The following HCFC2 variants were observed in gnomAD, a reference collection of about 807,000 sequenced individuals.
HCFC2 encodes the protein host cell factor C2, also known as host cell factor 2.
A neutral mutation model predicts 89.2 loss-of-function variants in HCFC2; 18 were observed. That is an observed-to-expected ratio of 0.20 (90% confidence interval 0.14 to 0.30). The LOEUF is 0.30. Among genes scored for constraint, HCFC2 ranks in the 10% least tolerant of loss-of-function variants. The pLI, the probability that HCFC2 is intolerant of heterozygous loss-of-function variation, is 1.00. For synonymous variants in HCFC2, 308 were observed against 335.7 expected (o/e 0.92, Z 0.90); for missense variants, 578 against 956.1 (o/e 0.60, Z 5.21).
chr12:104,098,150 T>A (rs1884229821), intron 12 of HCFC2, 193 bp from the exon 13 acceptor site: 1 of 458,792 alleles, frequency 2.2e-6, no homozygotes, highest in East Asian at 3.4e-5. Context: ...CTGTCACTCC[T>A]GTGTTTGAAT....
intron 9 of HCFC2, among the ~76,000 whole-genome samples, chr12:104,089,297 G>T (rs569075402): frequency 1.3e-5 from 2 of 152,204 alleles, no homozygotes; most frequent in African/African-American, 4.8e-5. Context: ...CAGATCACGA[G>T]GTCAGAAGAT....
intron 12 of HCFC2, among the ~76,000 whole-genome samples, chr12:104,097,065 A>T (rs1884198495): frequency 6.6e-6 from 1 of 152,164 alleles, no homozygotes; most frequent in Non-Finnish European, 1.5e-5. Context: ...TGCCTTACAA[A>T]TATACCAAGA....
chr12:104,073,384 C>G (rs946256758), intron 3 of HCFC2, among the ~76,000 whole-genome samples: 3 of 151,650 alleles, frequency 2.0e-5, no homozygotes, highest in East Asian at 1.9e-4. Context: ...AGGCTGGTCT[C>G]GAACTCCTGA....
intron 2 of HCFC2, among the ~76,000 whole-genome samples, chr12:104,067,088 C>T (rs549535702): frequency 5.9e-5 from 9 of 152,222 alleles, no homozygotes; most frequent in Non-Finnish European, 1.2e-4. Context: ...CGTGCTGTGC[C>T]GCAAATTCTT....
At position 104,068,813 on chromosome 12, in the gene HCFC2, A is replaced by T. The variant is rs1268141817; in HGVS notation, c.473+706A>T. Among the ~76,000 whole-genome samples the T allele has an allele frequency of 6.6e-6, 1 of 152,126 alleles. No individual in the cohort carries two copies. The highest frequency in any genetic ancestry group is 2.4e-5 in the African/African-American group (1 of 41,430). ...ATAGCTAATGTTGGTTTTGTCTGCA[A>T]AGAATTCCTCTTTCCTTTGGGGAAC... is the stretch of plus-strand genomic sequence containing the variant. On this transcript the variant is annotated intron_variant, in intron 3 of 14. Transcript: ENST00000229330. The surrounding 1 kb of genome is among the most constrained non-coding windows in gnomAD (Gnocchi z 4.1).
chr12:104,073,778 C>T (rs1314312152), intron 3 of HCFC2, among the ~76,000 whole-genome samples: 2 of 152,148 alleles, frequency 1.3e-5, no homozygotes, highest in Non-Finnish European at 2.9e-5. Flanking sequence ...TCTGTCATAT[C>T]TTAATTCTTG....
In HCFC2 at chr12:104,103,540, A is replaced by G; in HGVS notation, c.*267A>G. The G allele has an allele frequency of 1.0e-5, 4 of 390,670 alleles. No individual in the cohort carries two copies. Among genetic ancestry groups the G allele is most frequent in the Non-Finnish European group, 1.8e-5 (4 of 216,566 alleles). The allele number at this position is 390,670 out of a possible 1,614,324, so 24.2% of individuals were successfully genotyped here. Reference sequence around the variant, plus strand: ...ACAGTGAAATTAAGATAAAAGCTAGAAAGCTTTATTACCCCAATATCTTTT... The same window carrying G: ...ACAGTGAAATTAAGATAAAAGCTAGGAAGCTTTATTACCCCAATATCTTTT... On this transcript the variant is annotated 3_prime_UTR_variant, in exon 15 of 15. Coordinates refer to ENST00000229330, the MANE Select transcript of HCFC2 (RefSeq NM_013320.3).
chr12:104,065,033 C>A (rs1474520010), intron 1 of HCFC2: 3 of 281,284 alleles, frequency 1.1e-5, no homozygotes, highest in East Asian at 6.4e-5. Flanking sequence ...CATGTCCAAC[C>A]GCCTGGGCCA....
chr12:104,088,596 T>A (rs184419349), intron 9 of HCFC2, among the ~76,000 whole-genome samples: 2 of 152,214 alleles, frequency 1.3e-5, no homozygotes, highest in Non-Finnish European at 2.9e-5. Context: ...TTATTTTTAT[T>A]TGGTAAACTG....
At chr12:104,085,050 T>A (rs1883793445) in intron 7 of HCFC2, among the ~76,000 whole-genome samples, 1 of 152,144 alleles carries the variant, frequency 6.6e-6, no homozygotes, top group Non-Finnish European at 1.5e-5. Context: ...GATCTGGAGA[T>A]GTAATATGTG....
chr12:104,102,907 T>C (rs2029991711), intron 14 of HCFC2, 52 bp from the exon 15 acceptor site: 1 of 1,430,574 alleles, frequency 7.0e-7, no homozygotes, highest in African/African-American at 1.4e-5. Context: ...TAATAAGTGA[T>C]AACAGAGGAA....
chr12:104,070,742 G>A (rs1883294600), intron 3 of HCFC2, among the ~76,000 whole-genome samples: 1 of 150,950 alleles, frequency 6.6e-6, no homozygotes, highest in South Asian at 2.1e-4. Flanking sequence ...CATGGAAAAT[G>A]TGGAAACTAC....
intron 1 of HCFC2, chr12:104,065,095 T>G: frequency 5.8e-6 from 1 of 172,084 alleles, no homozygotes; most frequent in Non-Finnish European, 1.2e-5. Context: ...CAAACCAAAG[T>G]TCCTTAGGGC....
At chr12:104,073,961 T>C (rs1413386622) in intron 3 of HCFC2, among the ~76,000 whole-genome samples, 2 of 152,190 alleles carry the variant, frequency 1.3e-5, no homozygotes, top group African/African-American at 2.4e-5. Context: ...AGTTGAGTAG[T>C]TGCAATAGAT....
chr12:104,068,139 T>G lies in HCFC2; in HGVS notation c.473+32T>G, dbSNP rs1883208422. 1 of 1,520,988 alleles carries G rather than the reference T, an allele frequency of 6.6e-7. No homozygotes were observed. The highest frequency in any genetic ancestry group is 1.4e-5 in the African/African-American group (1 of 70,166). 94.2% of individuals were successfully genotyped at this position (1,520,988 alleles called of 1,614,324 possible). ...TGACTCTTTCAGACCAAATGCTTAT[T>G]TTATGATTTAGAGTAGGAACATTTT... On this transcript the variant is annotated intron_variant, in intron 3 of 14. Transcript: ENST00000229330. The surrounding 1 kb of genome is among the most constrained non-coding windows in gnomAD (Gnocchi z 4.1).
chr12:104,076,739 T>C (rs1250795201), intron 3 of HCFC2, among the ~76,000 whole-genome samples: 1 of 150,968 alleles, frequency 6.6e-6, no homozygotes, highest in Non-Finnish European at 1.5e-5. Context: ...TTTTGTCTTA[T>C]AATAGGGCAG....
chr12:104,072,492 A>G (rs926902132), intron 3 of HCFC2, among the ~76,000 whole-genome samples: 1 of 152,138 alleles, frequency 6.6e-6, no homozygotes, highest in African/African-American at 2.4e-5. Flanking sequence ...CTGCCAATTC[A>G]TGAACATGGG....
intron 3 of HCFC2, among the ~76,000 whole-genome samples, chr12:104,069,313 C>A (rs893243330): frequency 1.3e-5 from 2 of 151,782 alleles, no homozygotes; most frequent in South Asian, 2.1e-4. Context: ...CTTAAAAAAA[C>A]AAACAAACAA....
Position 104,080,848 on chromosome 12 carries a change from A to AT in HCFC2, c.767+22dup. On this transcript the variant is annotated intron_variant, in intron 5 of 14. Transcript: ENST00000229330. ...GGAAACAAGTATGGTGGTTTTTTGT[A>AT]TTTTGCTTCTGTTTTTTTTAAAAAA... 6.5e-7 allele frequency: 1 copy of AT among 1,531,878 alleles called. No individual in the cohort carries two copies. Among genetic ancestry groups the AT allele is most frequent in the Non-Finnish European group, 8.9e-7 (1 of 1,125,070 alleles). The allele number at this position is 1,531,878 out of a possible 1,614,324, so 94.9% of individuals were successfully genotyped here. A position where few individuals can be genotyped will look rare whatever the true frequency, so the allele number is the denominator to read the frequency against.
Sources: allele counts gnomAD v4.1 joint callset (sites outside exome capture counted in the v4.1 genomes callset), GRCh38; gene constraint gnomAD v4.1.1; non-coding constraint Gnocchi (gnomAD v3.1); transcripts MANE v1.5; gene names NCBI Gene and HGNC (gene_info 2026-07-23, HGNC 2026-07-21).